The following ZNF548 variants were observed in gnomAD, a reference collection of about 807,000 sequenced individuals.
The protein encoded by ZNF548 is zinc finger protein 548.
In ZNF548, 10 loss-of-function variants were observed where a neutral mutation model predicts 10.2. The ratio of observed to expected loss-of-function variants is 0.98; its 90% confidence interval spans 0.60 to 1.66. ZNF548 has a LOEUF of 1.66. Among genes scored for constraint, ZNF548 ranks in the 40% most tolerant of loss-of-function variants. ZNF548 has a pLI of 0.00. For missense variants in ZNF548, 599 were observed against 657.0 expected (o/e 0.91, Z 0.97); for synonymous variants, 217 against 223.5 (o/e 0.97, Z 0.26).
In ZNF548 at chr19:57,399,281, A is replaced by G; in HGVS notation, c.1030A>G (p.Thr344Ala). The G allele has an allele frequency of 1.2e-6, 2 of 1,614,092 alleles. No individual in the cohort carries two copies. Among genetic ancestry groups the G allele is most frequent in the Non-Finnish European group, 1.7e-6 (2 of 1,179,958 alleles). Residue 344 changes from threonine (T) to alanine (A), a missense_variant, in exon 4 of 4, where the codon ACC becomes GCC. By Grantham distance (58) the Thr-to-Ala change is moderately conservative (BLOSUM62 0). Coordinates refer to ENST00000336128, the MANE Select transcript of ZNF548 (RefSeq NM_001172773.2). The surrounding 1 kb of genome is among the most constrained non-coding windows in gnomAD (Gnocchi z 4.0). ...STLIKHQRVH[T>A]GERPYKCNDC... Reference sequence around the variant, plus strand: ...ACTCATTAAACATCAGAGAGTTCACACCGGAGAAAGACCTTATAAGTGCAA... The same window carrying G: ...ACTCATTAAACATCAGAGAGTTCACGCCGGAGAAAGACCTTATAAGTGCAA...
At position 57,399,207 on chromosome 19, in the gene ZNF548, G is replaced by A. The variant is rs2088692815; in HGVS notation, c.956G>A (p.Arg319Lys). 6.2e-7 allele frequency: 1 copy of A among 1,614,038 alleles called. No individual in the cohort carries two copies. The highest frequency in any genetic ancestry group is 1.1e-5 in the South Asian group (1 of 91,094). Residue 319 changes from arginine to lysine, a missense_variant, in exon 4 of 4, where the codon AGG becomes AAG. Transcript: ENST00000336128. The surrounding 1 kb of genome is among the most constrained non-coding windows in gnomAD (Gnocchi z 4.0). ...CATCAGAGAGTTCACACCGGAGAAA[G>A]GCCGTATGAGTGCAGGGAATGTGGG... ...VRHQRVHTGE[R>K]PYECRECGKF...
Position 57,398,781 on chromosome 19 carries a change from C to T in ZNF548, c.530C>T (p.Thr177Ile), listed in dbSNP as rs772507175. ...GAGGGCTGGAAGGACTTACCAGCCACCTCATGCCTTCTCCAGCACCAGGGC... is the reference window on the plus strand; with the variant it reads ...GAGGGCTGGAAGGACTTACCAGCCATCTCATGCCTTCTCCAGCACCAGGGC... ...CMEGWKDLPA[T>I]SCLLQHQGPQ... Residue 177 changes from threonine (T) to isoleucine (I), a missense_variant, in exon 4 of 4, where the codon ACC becomes ATC. Coordinates refer to ENST00000336128, the MANE Select transcript of ZNF548 (RefSeq NM_001172773.2). 6.2e-7 allele frequency: 1 copy of T among 1,613,866 alleles called. No homozygotes were observed. The highest frequency in any genetic ancestry group is 2.2e-5 in the East Asian group (1 of 44,890).
intron 1 of ZNF548, among the ~76,000 whole-genome samples, chr19:57,393,724 GAGGGGA>G: frequency 8.2e-6 from 1 of 121,516 alleles, no homozygotes; most frequent in Non-Finnish European, 1.7e-5. Flanking sequence ...GAGGGCAGGG[GAGGGGA>G]GGGGAGAAAG....
chr19:57,391,234 G>T (rs1188178381), intron 1 of ZNF548, among the ~76,000 whole-genome samples: 2 of 150,360 alleles, frequency 1.3e-5, no homozygotes, highest in African/African-American at 2.4e-5. Flanking sequence ...CTGTTTCTGA[G>T]TTGTTTCATT....
In ZNF548 at chr19:57,402,047, C is replaced by T. The variant is rs2088721502; in HGVS notation, c.*2158C>T. ...AGTTGTAATGCACTGTGCCTGGCTA[C>T]ATTTAGATCTTTAATCTACTTGGGG... On this transcript the variant is annotated 3_prime_UTR_variant, in exon 4 of 4. Transcript: ENST00000336128. 1 of 152,126 alleles carries T rather than the reference C, an allele frequency of 6.6e-6. No individual in the cohort carries two copies. The highest frequency in any genetic ancestry group is 2.4e-5 in the African/African-American group (1 of 41,432). The allele number at this position is 152,126 out of a possible 1,614,324, so 9.4% of individuals were successfully genotyped here.
Position 57,401,237 on chromosome 19 carries a change from G to C in ZNF548, c.*1348G>C, listed in dbSNP as rs903080151. 1 of 152,100 alleles carries C rather than the reference G, an allele frequency of 6.6e-6. No homozygotes were observed. The highest frequency in any genetic ancestry group is 1.5e-5 in the Non-Finnish European group (1 of 68,028). The allele number at this position is 152,100 out of a possible 1,614,324, so 9.4% of individuals were successfully genotyped here. Reference sequence around the variant, plus strand: ...TTGACTCTTTCTGTCTGTGGGTTCTGTATTCATGGATCGAAGCAACCATGG... The same window carrying C: ...TTGACTCTTTCTGTCTGTGGGTTCTCTATTCATGGATCGAAGCAACCATGG... On this transcript the variant is annotated 3_prime_UTR_variant, in exon 4 of 4. Coordinates refer to ENST00000336128, the MANE Select transcript of ZNF548 (RefSeq NM_001172773.2).
intron 2 of ZNF548, among the ~76,000 whole-genome samples, chr19:57,396,564 G>C (rs1037624464): frequency 5.9e-5 from 9 of 152,236 alleles, no homozygotes; most frequent in African/African-American, 2.2e-4. Flanking sequence ...TTATGGATGT[G>C]AGTGATTGAT....
At chr19:57,391,310 T>G (rs972528668) in intron 1 of ZNF548, among the ~76,000 whole-genome samples, 3 of 152,172 alleles carry the variant, frequency 2.0e-5, no homozygotes, top group South Asian at 4.1e-4. Context: ...TTTTTTTTTT[T>G]TGTGGCCTAG....
chr19:57,400,116 A>C lies in ZNF548; in HGVS notation c.*227A>C, dbSNP rs913473778. ...TTTGATATATATTTGTACCTCATAT[A>C]AGTGGATTCTACAGTATTTATCTTT... On this transcript the variant is annotated 3_prime_UTR_variant, in exon 4 of 4. Coordinates refer to ENST00000336128, the MANE Select transcript of ZNF548 (RefSeq NM_001172773.2). The C allele has an allele frequency of 1.1e-5, 5 of 473,392 alleles. No homozygotes were observed. The highest frequency in any genetic ancestry group is 1.9e-5 in the Non-Finnish European group (5 of 269,678). 29.3% of individuals were successfully genotyped at this position (473,392 alleles called of 1,614,324 possible). A position where few individuals can be genotyped will look rare whatever the true frequency, so the allele number is the denominator to read the frequency against.
intron 1 of ZNF548, among the ~76,000 whole-genome samples, chr19:57,393,517 G>A (rs550482662): frequency 4.6e-5 from 7 of 151,548 alleles, no homozygotes; most frequent in Non-Finnish European, 1.0e-4. Context: ...AAAATTAGCC[G>A]GGTGTGGTGG....
At position 57,399,550 on chromosome 19, in the gene ZNF548, T is replaced by C; in HGVS notation, c.1299T>C (p.Tyr433=). 1.9e-6 allele frequency: 3 copies of C among 1,614,182 alleles called. No individual in the cohort carries two copies. The highest frequency in any genetic ancestry group is 2.5e-6 in the Non-Finnish European group (3 of 1,180,030). Residue 433 remains tyrosine, a synonymous_variant, in exon 4 of 4, where the codon TAT becomes TAC. Transcript: ENST00000336128. This position sits in a 1 kb window ranked among gnomAD's most constrained non-coding sequence, Gnocchi z 4.0. ...HQRVHTGERP[Y]ECSECGKFFR... is the part of the protein sequence containing the mutation. ...GAGTCCACACGGGAGAAAGGCCTTA[T>C]GAGTGCAGCGAATGCGGGAAATTCT...
intron 3 of ZNF548, among the ~76,000 whole-genome samples, chr19:57,398,208 C>A (rs1177252789): frequency 6.6e-6 from 1 of 152,190 alleles, no homozygotes; most frequent in Non-Finnish European, 1.5e-5. Context: ...CTCTCTGTAC[C>A]ATACCCCTCC....
intron 3 of ZNF548, 120 bp downstream of exon 3, chr19:57,397,294 G>A: frequency 1.4e-6 from 2 of 1,405,706 alleles, no homozygotes; most frequent in Admixed American, 4.9e-5. Flanking sequence ...CCTGTTTCTT[G>A]GCATATATGC....
chr19:57,397,278 C>G, intron 3 of ZNF548, 104 bp downstream of exon 3: 1 of 1,425,568 alleles, frequency 7.0e-7, no homozygotes, highest in Non-Finnish European at 9.3e-7. Flanking sequence ...GGTGCTGCTT[C>G]TTTTCCCTGT....
chr19:57,396,275 T>C (rs1413109365), intron 2 of ZNF548, among the ~76,000 whole-genome samples: 1 of 152,206 alleles, frequency 6.6e-6, no homozygotes, highest in African/African-American at 2.4e-5. Flanking sequence ...AGGCAAGATC[T>C]GGGTGACTCC....
Position 57,400,003 on chromosome 19 carries a change from A to C in ZNF548, c.*114A>C. On this transcript the variant is annotated 3_prime_UTR_variant, in exon 4 of 4. Coordinates refer to ENST00000336128, the MANE Select transcript of ZNF548 (RefSeq NM_001172773.2). ...ATGCTGTACCCATTAACAACAACTC[A>C]TTCCCCTTCCCTACTTCCCCAGAAA... 10 of 802,382 alleles carry C rather than the reference A, an allele frequency of 1.2e-5. No homozygotes were observed. The highest frequency in any genetic ancestry group is 2.0e-5 in the South Asian group (1 of 51,178). 49.7% of individuals were successfully genotyped at this position (802,382 alleles called of 1,614,324 possible).
At position 57,395,056 on chromosome 19, in the gene ZNF548, G is replaced by A. The variant is rs1176026937; in HGVS notation, c.51+833G>A. On this transcript the variant is annotated intron_variant, in intron 2 of 3. Coordinates refer to ENST00000336128, the MANE Select transcript of ZNF548 (RefSeq NM_001172773.2). This position sits in a 1 kb window ranked among gnomAD's most constrained non-coding sequence, Gnocchi z 4.8. ...AGATGTCCACACTATGGTGGCTGTC[G>A]TATGGACCAGGATGAAGCCATGGAT... Among the ~76,000 whole-genome samples, 4 of 152,014 alleles carry A rather than the reference G, an allele frequency of 2.6e-5. No homozygotes were observed. The highest frequency in any genetic ancestry group is 2.9e-5 in the Non-Finnish European group (2 of 68,038).
chr19:57,397,038 A>T lies in ZNF548; in HGVS notation c.52-10A>T. ...AGCTGCTTATGTATTCATCTTTCCCAATTTGGCAGGGCCGTGTGGTCTTTG... is the reference window on the plus strand; with the variant it reads ...AGCTGCTTATGTATTCATCTTTCCCTATTTGGCAGGGCCGTGTGGTCTTTG... On this transcript the variant is annotated splice_polypyrimidine_tract_variant and intron_variant, in intron 2 of 3. Coordinates refer to ENST00000336128, the MANE Select transcript of ZNF548 (RefSeq NM_001172773.2). 1.2e-6 allele frequency: 2 copies of T among 1,600,518 alleles called. No homozygotes were observed. Among genetic ancestry groups the T allele is most frequent in the Non-Finnish European group, 1.7e-6 (2 of 1,175,712 alleles).
At chr19:57,394,156 G>A (rs780591116) in intron 1 of ZNF548, 32 bp from the exon 2 acceptor site, 9 of 1,596,256 alleles carry the variant, frequency 5.6e-6, no homozygotes, top group Non-Finnish European at 6.8e-6. Context: ...TTCCATGGCT[G>A]TCAATTTCTC....
Sources: gnomAD v4.1 joint callset for allele counts (sites outside exome capture counted in the v4.1 genomes callset) on GRCh38, gnomAD v4.1.1 for gene constraint, Gnocchi (gnomAD v3.1) non-coding constraint, MANE v1.5 for transcripts, NCBI Gene and HGNC (gene_info 2026-07-23, HGNC 2026-07-21) for gene names.